The following DENND1A variants were observed in gnomAD, a reference collection of about 807,000 sequenced individuals.
The protein encoded by DENND1A is DENN domain containing 1A, also known as DENN domain-containing protein 1A.
A neutral mutation model predicts 113.7 loss-of-function variants in DENND1A; 51 were observed. That is an observed-to-expected ratio of 0.45 (90% confidence interval 0.36 to 0.57). DENND1A has a LOEUF of 0.57. Among genes scored for constraint, DENND1A ranks in the 20% least tolerant of loss-of-function variants. The pLI is 0.00. For synonymous variants in DENND1A, 565 were observed against 570.8 expected (o/e 0.99, Z 0.14); for missense variants, 1,258 against 1,395.9 (o/e 0.90, Z 1.57).
intron 20 of DENND1A, among the ~76,000 whole-genome samples, chr9:123,410,432 T>C (rs979582599): frequency 3.3e-5 from 5 of 152,192 alleles, no homozygotes; most frequent in Non-Finnish European, 5.9e-5. Context: ...GCTGTGTCGA[T>C]GGGGGGTTTG....
At chr9:123,410,092 A>AAAAC (rs141130048) in intron 20 of DENND1A, among the ~76,000 whole-genome samples, 1 of 152,152 alleles carries the variant, frequency 6.6e-6, no homozygotes, top group Non-Finnish European at 1.5e-5. Context: ...ACTCCATCTC[A>AAAAC]AAACAAACAA....
intron 20 of DENND1A, among the ~76,000 whole-genome samples, chr9:123,409,796 G>C (rs992443233): frequency 1.3e-5 from 2 of 152,124 alleles, no homozygotes; most frequent in African/African-American, 2.4e-5. Context: ...AACCTGTTAA[G>C]AATAAGAACC....
intron 13 of DENND1A, among the ~76,000 whole-genome samples, chr9:123,532,157 G>T (rs2055373747): frequency 1.3e-5 from 2 of 152,200 alleles, no homozygotes; most frequent in Non-Finnish European, 2.9e-5. Context: ...ATTGCTCCCT[G>T]ACATACTGAT....
intron 9 of DENND1A, among the ~76,000 whole-genome samples, chr9:123,637,949 A>ACG: frequency 5.2e-5 from 1 of 19,202 alleles, no homozygotes; most frequent in East Asian, 3.3e-3. Flanking sequence ...ACACACACAC[A>ACG]CGCGCACACA....
At chr9:123,462,898 A>G (rs1186107750) in intron 13 of DENND1A, among the ~76,000 whole-genome samples, 1 of 152,220 alleles carries the variant, frequency 6.6e-6, no homozygotes, top group Admixed American at 6.5e-5. Flanking sequence ...GGGAGTAAAC[A>G]AACCGCTGTC....
intron 20 of DENND1A, among the ~76,000 whole-genome samples, chr9:123,407,988 TTC>T (rs1261133253): frequency 1.3e-5 from 2 of 152,200 alleles, no homozygotes; most frequent in African/African-American, 2.4e-5. Context: ...CTTCTGCTCT[TTC>T]TTTTTTCTTC....
At chr9:123,396,057 G>A (rs989572164) in intron 21 of DENND1A, among the ~76,000 whole-genome samples, 4 of 152,146 alleles carry the variant, frequency 2.6e-5, no homozygotes, top group Non-Finnish European at 2.9e-5. Flanking sequence ...ATCAGGAGAC[G>A]CACAGGGGAT....
At chr9:123,505,174 T>C (rs1186002908) in intron 13 of DENND1A, among the ~76,000 whole-genome samples, 1 of 152,258 alleles carries the variant, frequency 6.6e-6, no homozygotes, top group Non-Finnish European at 1.5e-5. Flanking sequence ...ATATTCTATA[T>C]GGACAGATCT....
intron 2 of DENND1A, among the ~76,000 whole-genome samples, chr9:123,822,186 C>T (rs1838587911): frequency 6.6e-6 from 1 of 152,114 alleles, no homozygotes; most frequent in Non-Finnish European, 1.5e-5. Context: ...ACTGATAATA[C>T]TAAAGCCTAT....
Position 123,661,881 on chromosome 9 carries a change from A to G in DENND1A, c.507+5145T>C, listed in dbSNP as rs1272288910. On this transcript the variant is annotated intron_variant, in intron 8 of 23. Transcript: ENST00000394215. Reference sequence around the variant, plus strand: ...AGAGAGAGATGGAAAATAGGAGAGAAAAAACAAGAAAATTAGAGGATCAGC... The same window carrying G: ...AGAGAGAGATGGAAAATAGGAGAGAGAAAACAAGAAAATTAGAGGATCAGC... 1.4e-4 allele frequency among the ~76,000 whole-genome samples: 22 copies of G among 152,228 alleles called. 1 individual carries two copies.
intron 21 of DENND1A, among the ~76,000 whole-genome samples, chr9:123,396,210 G>T (rs183012342): frequency 6.6e-6 from 1 of 152,198 alleles, no homozygotes. Flanking sequence ...CCCCAGCCAC[G>T]CTCCTGGAGA....
chr9:123,559,424 A>C (rs2057612279), intron 12 of DENND1A, among the ~76,000 whole-genome samples: 1 of 152,220 alleles, frequency 6.6e-6, no homozygotes, highest in African/African-American at 2.4e-5. Context: ...AATTAGATTT[A>C]GGTGGTCCAT....
At chr9:123,863,697 G>T (rs1845398624) in intron 2 of DENND1A, among the ~76,000 whole-genome samples, 1 of 152,006 alleles carries the variant, frequency 6.6e-6, no homozygotes, top group Non-Finnish European at 1.5e-5. Context: ...GTTGAAAGAG[G>T]CACTCCCTAG....
chr9:123,844,818 C>T (rs978443510), intron 2 of DENND1A, among the ~76,000 whole-genome samples: 2 of 152,174 alleles, frequency 1.3e-5, no homozygotes, highest in Admixed American at 1.3e-4. Flanking sequence ...TTAAAATTTA[C>T]TACAAATCTA....
chr9:123,909,349 A>C (rs1166810148), intron 1 of DENND1A, among the ~76,000 whole-genome samples: 1 of 150,492 alleles, frequency 6.6e-6, no homozygotes, highest in African/African-American at 2.4e-5. Context: ...AAAGTATAAA[A>C]AATAAAAATA....
At chr9:123,409,921 C>A (rs1487002599) in intron 20 of DENND1A, among the ~76,000 whole-genome samples, 1 of 152,096 alleles carries the variant, frequency 6.6e-6, no homozygotes, top group Non-Finnish European at 1.5e-5. Flanking sequence ...GAAACCCCGT[C>A]TCTATTAAAA....
chr9:123,918,869 C>T (rs1183845046), intron 1 of DENND1A, among the ~76,000 whole-genome samples: 1 of 152,020 alleles, frequency 6.6e-6, no homozygotes, highest in Non-Finnish European at 1.5e-5. Flanking sequence ...GATGGAAGTA[C>T]CTATCACCAC....
intron 5 of DENND1A, among the ~76,000 whole-genome samples, chr9:123,688,054 G>A (rs1225023977): frequency 6.6e-6 from 1 of 152,210 alleles, no homozygotes; most frequent in African/African-American, 2.4e-5. Flanking sequence ...TAGTAGTGGA[G>A]ACCATTTATT....
intron 11 of DENND1A, among the ~76,000 whole-genome samples, chr9:123,596,694 A>G (rs2059708701): frequency 6.6e-6 from 1 of 152,218 alleles, no homozygotes; most frequent in South Asian, 2.1e-4. Flanking sequence ...TGTGACCTCC[A>G]TGTATAGACT....
Sources: allele counts gnomAD v4.1 joint callset (sites outside exome capture counted in the v4.1 genomes callset), GRCh38; gene constraint gnomAD v4.1.1; transcripts MANE v1.5; gene names NCBI Gene and HGNC (gene_info 2026-07-23, HGNC 2026-07-21).